The following CTC1 variants were observed in gnomAD, a reference collection of about 807,000 sequenced individuals.
CTC1 encodes the protein CST complex subunit CTC1.
A neutral mutation model predicts 136.3 loss-of-function variants in CTC1; 91 were observed. That is an observed-to-expected ratio of 0.67 (90% CI 0.56 to 0.79). The LOEUF is 0.79. Ranked by LOEUF, CTC1 falls within the 30% of genes least tolerant of loss-of-function variation. The probability of loss-of-function intolerance (pLI) is 0.00; values close to 1 mark genes in which losing one functional copy is unlikely to be tolerated. For synonymous variants in CTC1, 606 were observed against 613.8 expected, an observed-to-expected ratio of 0.99 and a Z score of 0.19; for missense variants, 1,432 against 1,498.1, an observed-to-expected ratio of 0.96 and a Z score of 0.73.
chr17:8,245,410 T>C (rs565561176), intron 1 of CTC1, among the ~76,000 whole-genome samples: 10 of 152,294 alleles, frequency 6.6e-5, no homozygotes, highest in Admixed American at 6.5e-4. Context: ...GTCAGAGTTG[T>C]GGAAGGCAGA....
intron 5 of CTC1, among the ~76,000 whole-genome samples, chr17:8,237,149 C>T (rs1254067080): frequency 6.6e-6 from 1 of 151,172 alleles, no homozygotes; most frequent in East Asian, 1.9e-4. Flanking sequence ...AGGTCACATA[C>T]AATCTAAAAG....
Position 8,227,021 on chromosome 17 carries a change from T to A in CTC1, c.*1159A>T, listed in dbSNP as rs530477782. On this transcript the variant is annotated 3_prime_UTR_variant, in exon 23 of 23. Coordinates refer to ENST00000651323, the MANE Select transcript of CTC1 (RefSeq NM_025099.6). Reference sequence around the variant, plus strand: ...CGTACGGGGTTCGAACCCGCGACCTTGGCGTTATTAGCACCACGCTCTAAC... The same window carrying A: ...CGTACGGGGTTCGAACCCGCGACCTAGGCGTTATTAGCACCACGCTCTAAC... 2.6e-5 allele frequency: 4 copies of A among 152,642 alleles called. No homozygotes were observed. The highest frequency in any genetic ancestry group is 7.2e-5 in the African/African-American group (3 of 41,446). The allele number at this position is 152,642 out of a possible 1,614,324, so 9.5% of individuals were successfully genotyped here. A position where few individuals can be genotyped will look rare whatever the true frequency, so the allele number is the denominator to read the frequency against.
chr17:8,245,623 T>G (rs575574458), intron 1 of CTC1, among the ~76,000 whole-genome samples: 2 of 152,268 alleles, frequency 1.3e-5, no homozygotes, highest in South Asian at 4.1e-4. Flanking sequence ...AAAGGCAAAT[T>G]CGTGTTTTCA....
Position 8,236,133 on chromosome 17 carries a change from G to C in CTC1, c.1002C>G (p.Leu334=). The C allele has an allele frequency of 1.2e-6, 2 of 1,614,210 alleles. No homozygotes were observed. Among genetic ancestry groups the C allele is most frequent in the South Asian group, 1.1e-5 (1 of 91,088 alleles). ...GPLLEADPKP[L]PMPSNSEDKK... ...TGTCCTCCGAGTTGCTGGGCATGGG[G>C]AGTGGCTTGGGGTCAGCCTCTAAGA... The change falls in exon 6 of 23, where the codon CTC becomes CTG. Residue 334 remains leucine, a synonymous_variant. Coordinates refer to ENST00000651323, the MANE Select transcript of CTC1 (RefSeq NM_025099.6).
At chr17:8,240,032 G>A (rs986515098) in intron 2 of CTC1, among the ~76,000 whole-genome samples, 2 of 152,104 alleles carry the variant, frequency 1.3e-5, no homozygotes, top group African/African-American at 4.8e-5. Flanking sequence ...GAAACTCAGA[G>A]GCTCAGGTAC....
At chr17:8,235,408 C>T (rs1987628159) in intron 7 of CTC1, 123 bp from the exon 8 acceptor site, 1 of 710,418 alleles carries the variant, frequency 1.4e-6, no homozygotes, top group African/African-American at 1.8e-5. Context: ...ATTTCTCCCA[C>T]GTGGGCTGGC....
rs370503002 is a variant in CTC1 at position 8,232,233 on chromosome 17, G to A, written c.2061-6C>T. 19 of 1,536,152 alleles carry A rather than the reference G, an allele frequency of 1.2e-5. No individual in the cohort carries two copies. Among genetic ancestry groups the A allele is most frequent in the Admixed American group, 6.4e-5 (3 of 47,148 alleles). On this transcript the variant is annotated splice_polypyrimidine_tract_variant and splice_region_variant and intron_variant, in intron 12 of 22. Coordinates refer to ENST00000651323, the MANE Select transcript of CTC1 (RefSeq NM_025099.6). ...GAAAGAACTGGACATAGACTCTGTTGGGAGAGACAAGGAATACATTTCTTA... is the reference window on the plus strand; with the variant it reads ...GAAAGAACTGGACATAGACTCTGTTAGGAGAGACAAGGAATACATTTCTTA...
chr17:8,226,309 G>C lies in CTC1; in HGVS notation c.*1871C>G, dbSNP rs572040612. On this transcript the variant is annotated 3_prime_UTR_variant, in exon 23 of 23. Coordinates refer to ENST00000651323, the MANE Select transcript of CTC1 (RefSeq NM_025099.6). ...CTTTAACCAACTAAGCCACGGCGCC[G>C]AAGCTGCCATAAAGGTTCCTGAAAT... is the stretch of plus-strand genomic sequence containing the variant. The C allele has an allele frequency of 3.6e-4, 55 of 152,350 alleles. No individual in the cohort carries two copies. The highest frequency in any genetic ancestry group is 1.2e-3 in the African/African-American group (51 of 41,564). The allele number at this position is 152,350 out of a possible 1,614,324, so 9.4% of individuals were successfully genotyped here.
Position 8,227,970 on chromosome 17 carries a change from G to A in CTC1, c.*210C>T, listed in dbSNP as rs975463272. 2 of 542,532 alleles carry A rather than the reference G, an allele frequency of 3.7e-6. No individual in the cohort carries two copies. Among genetic ancestry groups the A allele is most frequent in the Non-Finnish European group, 6.6e-6 (2 of 303,142 alleles). The allele number at this position is 542,532 out of a possible 1,614,324, so 33.6% of individuals were successfully genotyped here. The stretch of plus-strand genomic sequence containing the variant: ...TGCAGGTGCCTTGTCCCAATCAGAG[G>A]ACATATTAATAGGGCCATGATTTCC... On this transcript the variant is annotated 3_prime_UTR_variant, in exon 23 of 23. Coordinates refer to ENST00000651323, the MANE Select transcript of CTC1 (RefSeq NM_025099.6).
Position 8,235,301 on chromosome 17 carries a change from GA to G in CTC1, c.1207-17del, listed in dbSNP as rs756837622. On this transcript the variant is annotated splice_polypyrimidine_tract_variant and intron_variant, in intron 7 of 22. Coordinates refer to ENST00000651323, the MANE Select transcript of CTC1 (RefSeq NM_025099.6). ...CATCCTGGAGCTGGGGGAAAGCAGA[GA>G]AAATGAAAAAGCAGAGATGAAGACC... 3 of 1,594,200 alleles carry G rather than the reference GA, an allele frequency of 1.9e-6. No homozygotes were observed. In the African/African-American group the frequency reaches 4.0e-5, roughly 21 times the overall value.
At position 8,231,392 on chromosome 17, in the gene CTC1, G is replaced by A; in HGVS notation, c.2553C>T (p.Cys851=). The A allele has an allele frequency of 1.9e-6, 3 of 1,613,688 alleles. No homozygotes were observed. Among genetic ancestry groups the A allele is most frequent in the Non-Finnish European group, 2.5e-6 (3 of 1,179,642 alleles). ...GAGTCCAGTTGTCCTGGACAGTGAG[G>A]CAGGATGCACAGCCAGCCAACTCCA... The part of the protein sequence containing the change: ...RPLELAGCAS[C]LTVQDNWTLE... The change falls in exon 15 of 23, where the codon TGC becomes TGT. Residue 851 remains cysteine, a synonymous_variant. Transcript: ENST00000651323.
At chr17:8,235,409 G>A (rs1279450801) in intron 7 of CTC1, 124 bp from the exon 8 acceptor site, 5 of 709,944 alleles carry the variant, frequency 7.0e-6, no homozygotes, top group East Asian at 5.4e-5. Context: ...TTTCTCCCAC[G>A]TGGGCTGGCC....
rs986339071 is a variant in CTC1 at position 8,243,040 on chromosome 17, T to C, written c.142A>G (p.Thr48Ala). Residue 48 changes from threonine (T) to alanine (A), a missense_variant, in exon 2 of 23, where the codon ACT becomes GCT. Thr to Ala is a moderately conservative substitution (Grantham distance 58, BLOSUM62 0). Transcript: ENST00000651323. ...LTPLVIDCVK[T>A]VWLSQGRNQG... ...TTCCTTCCCTGGGACAACCAGACAGTCTTCACACAATCAATTACCAATGGA... is the reference window on the plus strand; with the variant it reads ...TTCCTTCCCTGGGACAACCAGACAGCCTTCACACAATCAATTACCAATGGA... 6.2e-7 allele frequency: 1 copy of C among 1,613,982 alleles called. No individual in the cohort carries two copies. Among genetic ancestry groups the C allele is most frequent in the Non-Finnish European group, 8.5e-7 (1 of 1,179,962 alleles).
chr17:8,237,586 A>G, intron 4 of CTC1, 67 bp from the exon 5 acceptor site: 1 of 1,375,704 alleles, frequency 7.3e-7, no homozygotes, highest in Middle Eastern at 1.9e-4. Flanking sequence ...AATCACTTGA[A>G]CCTGAAAGGC....
chr17:8,234,658 G>A lies in CTC1; in HGVS notation c.1618-3C>T. 6.2e-7 allele frequency: 1 copy of A among 1,603,976 alleles called. No homozygotes were observed. On this transcript the variant is annotated splice_polypyrimidine_tract_variant and splice_region_variant and intron_variant, in intron 9 of 22. Coordinates refer to ENST00000651323, the MANE Select transcript of CTC1 (RefSeq NM_025099.6). ...GAGGGAGTCTGCAGCCGAGTGTACTGTCAAGGAGGGAAGAGAAATCGGGTG... is the reference window on the plus strand; with the variant it reads ...GAGGGAGTCTGCAGCCGAGTGTACTATCAAGGAGGGAAGAGAAATCGGGTG...
chr17:8,238,089 G>C lies in CTC1; in HGVS notation c.589C>G (p.Pro197Ala), dbSNP rs1340813989. 6.2e-7 allele frequency: 1 copy of C among 1,614,132 alleles called. No homozygotes were observed. The highest frequency in any genetic ancestry group is 8.5e-7 in the Non-Finnish European group (1 of 1,180,018). The change falls in exon 4 of 23, where the codon CCC (proline) becomes GCC (alanine). Residue 197 changes from proline (P) to alanine (A), a missense_variant. Pro to Ala is a conservative substitution (Grantham distance 27). Transcript: ENST00000651323. ...PVFPLTISPGPVTPIPVLYPE... is the reference protein window; with the variant it reads ...PVFPLTISPGAVTPIPVLYPE... ...TAGAGGACAGGGATAGGCGTGACGG[G>C]GCCAGGACTGATGGTCAAAGGAAAC...
At chr17:8,229,739 T>C in intron 18 of CTC1, 152 bp downstream of exon 18, 1 of 680,658 alleles carries the variant, frequency 1.5e-6, no homozygotes, top group Non-Finnish European at 2.5e-6. Context: ...CACAGAGCAT[T>C]TTTTATTTGG....
At position 8,230,805 on chromosome 17, in the gene CTC1, A is replaced by T. The variant is rs190323198; in HGVS notation, c.2670-154T>A. On this transcript the variant is annotated intron_variant, in intron 15 of 22. Coordinates refer to ENST00000651323, the MANE Select transcript of CTC1 (RefSeq NM_025099.6). ...CTGAGCTCTGCCACACTGCACACTA[A>T]GAGTAACAGGGCCTATGGGAAAAAG... 1.9e-5 allele frequency: 12 copies of T among 646,904 alleles called. 1 individual carries two copies. The East Asian group carries it at 3.3e-4, about 18-fold the overall frequency. 40.1% of individuals were successfully genotyped at this position (646,904 alleles called of 1,614,324 possible).
rs199473677 is a variant in CTC1, at chr17:8,230,395, A to AG, written c.2831dup (p.His945SerfsTer56). 13 of 1,614,008 alleles carry AG rather than the reference A, an allele frequency of 8.1e-6. No individual in the cohort carries two copies. The highest frequency in any genetic ancestry group is 1.7e-5 in the Admixed American group (1 of 59,996). On this transcript the variant is annotated frameshift_variant, in exon 17 of 23. Coordinates refer to ENST00000651323, the MANE Select transcript of CTC1 (RefSeq NM_025099.6). LOFTEE classifies it high-confidence loss of function. ...GGTCTTCTATATATACATCCAGGTG[A>AG]GGGGGGAATTCACATTCAGCAGTCT...
Sources: gnomAD v4.1 joint callset for allele counts (sites outside exome capture counted in the v4.1 genomes callset) on GRCh38, gnomAD v4.1.1 for gene constraint, MANE v1.5 for transcripts, NCBI Gene and HGNC (gene_info 2026-07-23, HGNC 2026-07-21) for gene names.